ZFX: variants seen among roughly 807,000 people sequenced by gnomAD.
ZFX encodes the protein zinc finger protein X-linked.
For synonymous variants in ZFX, 196 were observed against 226.8 expected, an observed-to-expected ratio of 0.86 and a Z score of 1.22; for missense variants, 362 against 628.3, an observed-to-expected ratio of 0.58 and a Z score of 4.53.
At chrX:24,196,782 G>T (rs1261193761) in intron 5 of ZFX, among the ~76,000 whole-genome samples, 1 of 111,464 alleles carries the variant, frequency 9.0e-6, no homozygotes. Flanking sequence ...TATTTGTAGA[G>T]ATGGGGTCTC....
rs371397342 is a variant in ZFX at position 24,211,163 on chromosome X, A to G, written c.2205A>G (p.Lys735=). The change falls in exon 10 of 10, where the codon AAA becomes AAG. Residue 735 remains lysine (K), a synonymous_variant. Transcript: ENST00000304543. ...GATTTAGGCAACAGAGTGAGCTTAA[A>G]AAGCATATGAAGACACACAGTGGCA... The part of the protein sequence containing the change: ...RKGFRQQSEL[K]KHMKTHSGRK... The G allele has an allele frequency of 5.8e-6, 7 of 1,211,010 alleles. No individual in the cohort carries two copies. Among genetic ancestry groups the G allele is most frequent in the Non-Finnish European group, 7.8e-6 (7 of 895,494 alleles).
At chrX:24,197,358 A>G (rs1319654287) in intron 5 of ZFX, among the ~76,000 whole-genome samples, 1 of 111,910 alleles carries the variant, frequency 8.9e-6, no homozygotes, top group Non-Finnish European at 1.9e-5. Flanking sequence ...CAGTTAGAGT[A>G]GAAATTGACA....
chrX:24,196,215 C>T (rs966825024), intron 5 of ZFX, among the ~76,000 whole-genome samples: 6 of 111,092 alleles, frequency 5.4e-5, no homozygotes, highest in Admixed American at 9.6e-5. Flanking sequence ...CGGGTTCAGG[C>T]GATTCTCCTG....
chrX:24,174,067 T>C (rs984183729), intron 4 of ZFX, among the ~76,000 whole-genome samples: 3 of 109,524 alleles, frequency 2.7e-5, no homozygotes, highest in African/African-American at 1.0e-4. Context: ...AAAAAAATTA[T>C]CTGGGTGTGG....
intron 4 of ZFX, among the ~76,000 whole-genome samples, chrX:24,178,625 C>G (rs1417540161): frequency 9.1e-6 from 1 of 109,415 alleles, no homozygotes; most frequent in Admixed American, 9.8e-5. Context: ...CTTTGTCACC[C>G]AGGTGGAGTG....
In ZFX at chrX:24,179,553, CGTTGGACAT is replaced by C. The variant is rs746150901; in HGVS notation, c.452_460del (p.Gly151_Val153del). ...CGGGTGATTCTATACATGTGTCTGACGTTGGACATGTTGGACATGTTGGACATGTTGAAC... is the reference window on the plus strand; with the variant it reads ...CGGGTGATTCTATACATGTGTCTGACGTTGGACATGTTGGACATGTTGAAC... On this transcript the variant is annotated inframe_deletion, in exon 5 of 10. Coordinates refer to ENST00000304543, the MANE Select transcript of ZFX (RefSeq NM_003410.4). 5.1e-4 allele frequency: 616 copies of C among 1,210,606 alleles called. 1 individual carries two copies. Among genetic ancestry groups the C allele is most frequent in the East Asian group, 3.7e-3 (125 of 33,805 alleles).
At chrX:24,160,388 T>C (rs776033621) in intron 3 of ZFX, among the ~76,000 whole-genome samples, 187 of 103,839 alleles carry the variant, frequency 1.8e-3, no homozygotes, top group African/African-American at 6.2e-3. Flanking sequence ...AACCTTTGCC[T>C]CCCGGGTTCA....
chrX:24,153,625 A>T (rs902246850), intron 3 of ZFX, among the ~76,000 whole-genome samples: 1 of 112,010 alleles, frequency 8.9e-6, no homozygotes, highest in Middle Eastern at 4.6e-3. Context: ...GGTGTGTTAT[A>T]TAAAAGTGCT....
chrX:24,199,830 T>A (rs1206654993), intron 5 of ZFX, among the ~76,000 whole-genome samples: 1 of 108,632 alleles, frequency 9.2e-6, no homozygotes, highest in African/African-American at 3.4e-5. Context: ...GGCAGGAGAA[T>A]CGCTTGAACC....
At chrX:24,174,145 G>A (rs1310380188) in intron 4 of ZFX, among the ~76,000 whole-genome samples, 3 of 110,095 alleles carry the variant, frequency 2.7e-5, no homozygotes, top group East Asian at 5.8e-4. Context: ...TCTGGGAGGC[G>A]GAGGTTGCAG....
At chrX:24,187,773 C>T (rs1205193378) in intron 5 of ZFX, among the ~76,000 whole-genome samples, 1 of 111,244 alleles carries the variant, frequency 9.0e-6, no homozygotes, top group African/African-American at 3.3e-5. Flanking sequence ...CAGCAAAGTC[C>T]CTGGCTTTTT....
At chrX:24,192,578 A>G (rs988185677) in intron 5 of ZFX, among the ~76,000 whole-genome samples, 6 of 111,281 alleles carry the variant, frequency 5.4e-5, no homozygotes, top group East Asian at 2.8e-4. Context: ...GATCTTTTCA[A>G]TCTTTATTGA....
At chrX:24,156,496 T>A (rs1048494508) in intron 3 of ZFX, among the ~76,000 whole-genome samples, 1 of 111,454 alleles carries the variant, frequency 9.0e-6, no homozygotes, top group Non-Finnish European at 1.9e-5. Flanking sequence ...ATCTTTTTCA[T>A]GTGGATTTAT....
intron 3 of ZFX, among the ~76,000 whole-genome samples, chrX:24,155,499 G>A (rs989731969): frequency 1.8e-5 from 2 of 112,019 alleles, no homozygotes; most frequent in Non-Finnish European, 3.8e-5. Context: ...AAACACTACT[G>A]CTATGAACAT....
intron 3 of ZFX, among the ~76,000 whole-genome samples, chrX:24,166,484 G>A (rs1007173189): frequency 8.9e-6 from 1 of 111,941 alleles, no homozygotes; most frequent in Admixed American, 9.5e-5. Flanking sequence ...CTTAGAGAAT[G>A]GAACTTGAAT....
At chrX:24,209,466 G>A (rs780732643) in intron 9 of ZFX, among the ~76,000 whole-genome samples, 23 of 111,974 alleles carry the variant, frequency 2.1e-4, no homozygotes, top group African/African-American at 7.5e-4. Flanking sequence ...AAATTTTATG[G>A]GTATATTTAA....
At chrX:24,152,368 A>G (rs1172670010) in intron 2 of ZFX, among the ~76,000 whole-genome samples, 3 of 110,983 alleles carry the variant, frequency 2.7e-5, no homozygotes, top group Non-Finnish European at 5.7e-5. Context: ...CCTGACCTCA[A>G]GTGATCTGCC....
At chrX:24,184,773 T>G (rs1194362741) in intron 5 of ZFX, among the ~76,000 whole-genome samples, 1 of 111,712 alleles carries the variant, frequency 9.0e-6, no homozygotes, top group Non-Finnish European at 1.9e-5. Context: ...TAATATAATT[T>G]CTTTCCTTTT....
At chrX:24,205,684 T>C (rs1022436911) in intron 5 of ZFX, among the ~76,000 whole-genome samples, 73 of 110,882 alleles carry the variant, frequency 6.6e-4, no homozygotes, top group African/African-American at 2.2e-3. Flanking sequence ...GCGAAACCTG[T>C]CTCTACTAAA....
Sources: gnomAD v4.1 joint callset for allele counts (sites outside exome capture counted in the v4.1 genomes callset) on GRCh38, gnomAD v4.1.1 for gene constraint, MANE v1.5 for transcripts, NCBI Gene and HGNC (gene_info 2026-07-23, HGNC 2026-07-21) for gene names.